PKHD1: variants seen among roughly 807,000 people sequenced by gnomAD.
PKHD1 encodes the protein fibrocystin.
A neutral mutation model predicts 412.0 loss-of-function variants in PKHD1; 291 were observed. That is an observed-to-expected ratio of 0.71 (90% CI 0.64 to 0.78). PKHD1 has a LOEUF of 0.78. Among genes scored for constraint, PKHD1 ranks in the 30% least tolerant of loss-of-function variants. The probability of loss-of-function intolerance (pLI) is 0.00; values close to 1 mark genes in which losing one functional copy is unlikely to be tolerated. For synonymous variants in PKHD1, 1,777 were observed against 1,821.5 expected, an observed-to-expected ratio of 0.98 and a Z score of 0.62; for missense variants, 4,825 against 4,950.7, an observed-to-expected ratio of 0.97 and a Z score of 0.76.
intron 43 of PKHD1, among the ~76,000 whole-genome samples, chr6:51,902,687 T>C (rs1224793848): frequency 1.3e-5 from 2 of 152,122 alleles, no homozygotes; most frequent in South Asian, 2.1e-4. Context: ...ACTCCTTTGA[T>C]AGAAGATCCA....
chr6:52,048,752 G>C, intron 22 of PKHD1, 133 bp from the exon 23 acceptor site: 1 of 986,552 alleles, frequency 1.0e-6, no homozygotes, highest in Non-Finnish European at 1.6e-6. Context: ...AGGAAACTCA[G>C]TAAGGGAGTT....
At chr6:51,734,877 G>A (rs1783652028) in intron 60 of PKHD1, among the ~76,000 whole-genome samples, 1 of 152,192 alleles carries the variant, frequency 6.6e-6, no homozygotes, top group Non-Finnish European at 1.5e-5. Flanking sequence ...GAGAATGTAT[G>A]TAGATTAGAT....
chr6:51,894,663 G>A (rs1204350910), intron 43 of PKHD1, among the ~76,000 whole-genome samples: 12 of 152,192 alleles, frequency 7.9e-5, no homozygotes, highest in Admixed American at 6.5e-4. Flanking sequence ...TACCTTCCAG[G>A]TCAGAGATTT....
chr6:51,627,245 A>T, intron 65 of PKHD1, 129 bp from the exon 66 acceptor site: 1 of 863,760 alleles, frequency 1.2e-6, no homozygotes, highest in East Asian at 2.5e-5. Flanking sequence ...AGCATATAAC[A>T]TATTCAGAGT....
At chr6:51,869,213 C>T (rs1775567936) in intron 47 of PKHD1, among the ~76,000 whole-genome samples, 1 of 152,080 alleles carries the variant, frequency 6.6e-6, no homozygotes, top group East Asian at 1.9e-4. Flanking sequence ...TTTGTGATTT[C>T]CCAAGCACAA....
At chr6:51,740,501 C>A (rs1387890753) in intron 60 of PKHD1, among the ~76,000 whole-genome samples, 1 of 152,144 alleles carries the variant, frequency 6.6e-6, no homozygotes, top group Non-Finnish European at 1.5e-5. Flanking sequence ...AACTCAATGA[C>A]ATTTGGAATA....
chr6:51,724,990 A>C (rs1295596625), intron 60 of PKHD1, among the ~76,000 whole-genome samples: 1 of 152,212 alleles, frequency 6.6e-6, no homozygotes, highest in Non-Finnish European at 1.5e-5. Context: ...AAAGGGTCAA[A>C]GAGAGGAACT....
In PKHD1 at chr6:51,899,680, G is replaced by A. The variant is rs532619860; in HGVS notation, c.6996+3917C>T. Among the ~76,000 whole-genome samples, 376 of 152,034 alleles carry A rather than the reference G, an allele frequency of 2.5e-3. 3 individuals are homozygous for A. The highest frequency in any genetic ancestry group is 8.1e-3 in the African/African-American group (336 of 41,438). On this transcript the variant is annotated intron_variant, in intron 43 of 66. Coordinates refer to ENST00000371117, the MANE Select transcript of PKHD1 (RefSeq NM_138694.4). Reference sequence around the variant, plus strand: ...AGTTCTGGCCAGGGCAATTAGGCAGGAGAAGGAAATAAAGGGTATTCAATT... The same window carrying A: ...AGTTCTGGCCAGGGCAATTAGGCAGAAGAAGGAAATAAAGGGTATTCAATT...
intron 60 of PKHD1, among the ~76,000 whole-genome samples, chr6:51,678,163 G>C (rs1443558701): frequency 6.6e-6 from 1 of 152,126 alleles, no homozygotes; most frequent in Admixed American, 6.6e-5. Context: ...TTTAAAGTCA[G>C]AGAGACTTGC....
chr6:51,899,192 A>G (rs1212826667), intron 43 of PKHD1, among the ~76,000 whole-genome samples: 1 of 152,048 alleles, frequency 6.6e-6, no homozygotes, highest in African/African-American at 2.4e-5. Flanking sequence ...CTGATACCTA[A>G]GCCGGGCAGA....
At chr6:51,758,254 C>A (rs1787400388) in intron 55 of PKHD1, among the ~76,000 whole-genome samples, 1 of 152,114 alleles carries the variant, frequency 6.6e-6, no homozygotes, top group South Asian at 2.1e-4. Flanking sequence ...CTTTCGGGTT[C>A]TATACATCAT....
At chr6:52,000,899 A>G (rs1283446036) in intron 35 of PKHD1, among the ~76,000 whole-genome samples, 2 of 152,222 alleles carry the variant, frequency 1.3e-5, no homozygotes, top group Non-Finnish European at 2.9e-5. Context: ...CTGAGAAACA[A>G]AAGAGGCACA....
chr6:51,708,744 T>C (rs1000910258), intron 60 of PKHD1, among the ~76,000 whole-genome samples: 2 of 152,220 alleles, frequency 1.3e-5, no homozygotes, highest in African/African-American at 4.8e-5. Context: ...AACCTCCATA[T>C]CACTTGCTCC....
At chr6:51,673,557 T>C (rs1369138957) in intron 60 of PKHD1, among the ~76,000 whole-genome samples, 1 of 152,216 alleles carries the variant, frequency 6.6e-6, no homozygotes, top group East Asian at 1.9e-4. Flanking sequence ...TTTGAATGAG[T>C]TAGCCACCTT....
chr6:51,783,085 G>A (rs1197556644), intron 53 of PKHD1, among the ~76,000 whole-genome samples: 1 of 152,152 alleles, frequency 6.6e-6, no homozygotes, highest in Non-Finnish European at 1.5e-5. Context: ...AGACAGGGCT[G>A]ACAAATACCC....
In PKHD1 at chr6:51,751,336, A is replaced by G. The variant is rs550692640; in HGVS notation, c.8950+1865T>C. 1.8e-4 allele frequency among the ~76,000 whole-genome samples: 28 copies of G among 152,322 alleles called. No individual in the cohort carries two copies. The South Asian group carries it at 5.8e-3, about 32-fold the overall frequency. ...TTATTCAGGCCCTGGACTATGTTAT[A>G]GAAAAATGTAAGCATTCTTAATGCA... is the stretch of plus-strand genomic sequence containing the variant. On this transcript the variant is annotated intron_variant, in intron 57 of 66. Coordinates refer to ENST00000371117, the MANE Select transcript of PKHD1 (RefSeq NM_138694.4).
intron 35 of PKHD1, among the ~76,000 whole-genome samples, chr6:51,965,883 AT>A (rs1764697908): frequency 6.6e-6 from 1 of 151,990 alleles, no homozygotes; most frequent in Admixed American, 6.6e-5. Flanking sequence ...GACAGGACAA[AT>A]TTACAGTCTT....
chr6:51,814,714 A>T (rs1765181523), intron 52 of PKHD1, among the ~76,000 whole-genome samples: 1 of 152,114 alleles, frequency 6.6e-6, no homozygotes, highest in Admixed American at 6.5e-5. Flanking sequence ...GCTCAGGTGG[A>T]AGGTGTGGGA....
chr6:51,859,127 T>A (rs1773771815), intron 48 of PKHD1, among the ~76,000 whole-genome samples: 1 of 152,164 alleles, frequency 6.6e-6, no homozygotes, highest in African/African-American at 2.4e-5. Context: ...AAAAATAGTT[T>A]TAACTACAAA....
Sources: allele counts gnomAD v4.1 joint callset (sites outside exome capture counted in the v4.1 genomes callset), GRCh38; gene constraint gnomAD v4.1.1; transcripts MANE v1.5; gene names NCBI Gene and HGNC (gene_info 2026-07-23, HGNC 2026-07-21).